The following NTSR1 variants were observed in gnomAD, a reference collection of about 807,000 sequenced individuals.
The protein encoded by NTSR1 is neurotensin receptor 1, also known as neurotensin receptor type 1.
In NTSR1, 29 loss-of-function variants were observed where a neutral mutation model predicts 31.2. That is an observed-to-expected ratio of 0.93 (90% CI 0.69 to 1.27). The LOEUF (loss-of-function observed/expected upper bound fraction) is 1.27, where lower values mean the gene tolerates loss of function less well. Among genes scored for constraint, NTSR1 ranks in the 50% most tolerant of loss-of-function variants. NTSR1 has a pLI of 0.00. For missense variants in NTSR1, 697 were observed against 595.4 expected (o/e 1.17, Z -1.78); for synonymous variants, 282 against 269.9 (o/e 1.04, Z -0.44).
At chr20:62,713,650 G>C (rs889740727) in intron 1 of NTSR1, among the ~76,000 whole-genome samples, 2 of 152,198 alleles carry the variant, frequency 1.3e-5, no homozygotes, top group Non-Finnish European at 2.9e-5. Context: ...AGAAAGAAAG[G>C]TGTGGCCAAA....
intron 1 of NTSR1, 48 bp downstream of exon 1, chr20:62,709,969 A>C: frequency 9.5e-5 from 128 of 1,350,422 alleles, no homozygotes; most frequent in Non-Finnish European, 1.2e-4. Context: ...TTCACCCCAA[A>C]AGCAGTGCCA....
chr20:62,711,553 C>A lies in NTSR1; in HGVS notation c.714+1632C>A, dbSNP rs1004817835. Among the ~76,000 whole-genome samples the A allele has an allele frequency of 2.1e-5, 3 of 142,842 alleles. No homozygotes were observed. Among genetic ancestry groups the A allele is most frequent in the Non-Finnish European group, 4.6e-5 (3 of 65,184 alleles). 93.7% of individuals were successfully genotyped at this position (142,842 alleles called of 152,430 possible). On this transcript the variant is annotated intron_variant, in intron 1 of 3. Coordinates refer to ENST00000370501, the MANE Select transcript of NTSR1 (RefSeq NM_002531.3). The surrounding 1 kb of genome is among the most constrained non-coding windows in gnomAD (Gnocchi z 6.4). Reference sequence around the variant, plus strand: ...ATGCCCCCACTCAGACCCCGGATCCCCCCACTCAGACCCCCGATCCCCCCG... The same window carrying A: ...ATGCCCCCACTCAGACCCCGGATCCACCCACTCAGACCCCCGATCCCCCCG...
Position 62,754,813 on chromosome 20 carries a change from C to G in NTSR1, c.843C>G (p.Gly281=), listed in dbSNP as rs776173818. 1.2e-6 allele frequency: 2 copies of G among 1,610,204 alleles called. No homozygotes were observed. The highest frequency in any genetic ancestry group is 1.3e-5 in the African/African-American group (1 of 74,998). The part of the protein sequence containing the change: ...AEQGQVCTVG[G]EHSTFSMAIE... Reference sequence around the variant, plus strand: ...AGGGCCAAGTGTGCACGGTCGGGGGCGAGCACAGCACATTCAGCATGGCCA... The same window carrying G: ...AGGGCCAAGTGTGCACGGTCGGGGGGGAGCACAGCACATTCAGCATGGCCA... Residue 281 remains glycine, a synonymous_variant, in exon 2 of 4, where the codon GGC becomes GGG. Transcript: ENST00000370501.
intron 3 of NTSR1, among the ~76,000 whole-genome samples, chr20:62,759,421 A>G (rs1335630994): frequency 6.6e-6 from 1 of 152,170 alleles, no homozygotes; most frequent in Non-Finnish European, 1.5e-5. Context: ...GCGAAGGGCA[A>G]TGCAGGCAGC....
In NTSR1 at chr20:62,762,430, G is replaced by A. The variant is rs1433162454; in HGVS notation, c.*2163G>A. ...TCGGTAGACGTGGGGTCTCTGGGGC[G>A]GGGTCTGTGGCTGTGACTGAAGTCG... On this transcript the variant is annotated 3_prime_UTR_variant, in exon 4 of 4. Transcript: ENST00000370501. 5.6e-5 allele frequency: 8 copies of A among 143,862 alleles called. 1 individual carries two copies. The highest frequency in any genetic ancestry group is 4.9e-4 in the South Asian group (2 of 4,070). The allele number at this position is 143,862 out of a possible 1,614,324, so 8.9% of individuals were successfully genotyped here.
At chr20:62,755,296 C>T (rs1989470958) in intron 2 of NTSR1, among the ~76,000 whole-genome samples, 1 of 129,522 alleles carries the variant, frequency 7.7e-6, no homozygotes, top group South Asian at 2.8e-4. Flanking sequence ...TCCCTCCATT[C>T]ATTCCTCTAC....
intron 1 of NTSR1, among the ~76,000 whole-genome samples, chr20:62,718,003 G>A (rs1189916408): frequency 3.3e-5 from 5 of 152,132 alleles, no homozygotes; most frequent in Non-Finnish European, 7.3e-5. Flanking sequence ...TCCGGTGGGC[G>A]TCGGGGAAGA....
In NTSR1 at chr20:62,714,202, C is replaced by T. The variant is rs111692106; in HGVS notation, c.714+4281C>T. ...GGGACCCACGCCACGCAGCTGTGGG[C>T]AGCTCTGGCTCTGGCCGTAGCGGCC... On this transcript the variant is annotated intron_variant, in intron 1 of 3. Coordinates refer to ENST00000370501, the MANE Select transcript of NTSR1 (RefSeq NM_002531.3). The surrounding 1 kb of genome is among the most constrained non-coding windows in gnomAD (Gnocchi z 4.1). 0.012 allele frequency among the ~76,000 whole-genome samples: 1,829 copies of T among 152,354 alleles called. 37 individuals carry two copies. The highest frequency in any genetic ancestry group is 0.042 in the African/African-American group (1,750 of 41,584).
In NTSR1 at chr20:62,745,763, G is replaced by A. The variant is rs1320094889; in HGVS notation, c.715-8922G>A. On this transcript the variant is annotated intron_variant, in intron 1 of 3. Transcript: ENST00000370501. The surrounding 1 kb of genome is among the most constrained non-coding windows in gnomAD (Gnocchi z 4.1). ...TCTACAGCTGCTGAACAGCCTCGCCGTCCCCAGGGCTTCCCTGCTGTTGGC... is the reference window on the plus strand; with the variant it reads ...TCTACAGCTGCTGAACAGCCTCGCCATCCCCAGGGCTTCCCTGCTGTTGGC... 1.3e-5 allele frequency among the ~76,000 whole-genome samples: 2 copies of A among 152,218 alleles called. No homozygotes were observed. Among genetic ancestry groups the A allele is most frequent in the East Asian group, 1.9e-4 (1 of 5,202 alleles).
At chr20:62,748,499 T>C (rs938517895) in intron 1 of NTSR1, among the ~76,000 whole-genome samples, 17 of 152,088 alleles carry the variant, frequency 1.1e-4, no homozygotes, top group African/African-American at 4.1e-4. Flanking sequence ...GGAACAAAAC[T>C]GGAGGCATCA....
rs1969665 is a variant in NTSR1 at position 62,758,251 on chromosome 20, G to A, written c.917-15G>A. The A allele has an allele frequency of 3.7e-4, 589 of 1,604,496 alleles. 2 individuals carry two copies. The African/African-American group carries it at 7.2e-3, about 20-fold the overall frequency. The stretch of plus-strand genomic sequence containing the variant: ...AGGTGCAGTGGGTCTCTGAGCCCAC[G>A]TCTCTGTGCCTCAGGTGCAGTGGTC... On this transcript the variant is annotated splice_polypyrimidine_tract_variant and intron_variant, in intron 2 of 3. Transcript: ENST00000370501. The surrounding 1 kb of genome is among the most constrained non-coding windows in gnomAD (Gnocchi z 4.5).
intron 1 of NTSR1, among the ~76,000 whole-genome samples, chr20:62,753,354 G>A (rs1233366060): frequency 1.3e-5 from 2 of 152,194 alleles, no homozygotes; most frequent in Non-Finnish European, 2.9e-5. Context: ...TGTCCTCACC[G>A]GGACCATCCT....
intron 1 of NTSR1, among the ~76,000 whole-genome samples, chr20:62,737,220 T>C (rs1989112097): frequency 6.6e-6 from 1 of 152,180 alleles, no homozygotes. Flanking sequence ...TTGTAAAGTT[T>C]CATCAGCACT....
At chr20:62,759,933 T>C in intron 3 of NTSR1, 85 bp from the exon 4 acceptor site, 1 of 1,396,398 alleles carries the variant, frequency 7.2e-7, no homozygotes, top group South Asian at 1.2e-5. Context: ...ACCACGTCCC[T>C]CAGCCGCTGT....
rs1172639485 is a variant in NTSR1, at chr20:62,732,590, T to A, written c.715-22095T>A. On this transcript the variant is annotated intron_variant, in intron 1 of 3. Coordinates refer to ENST00000370501, the MANE Select transcript of NTSR1 (RefSeq NM_002531.3). The surrounding 1 kb of genome is among the most constrained non-coding windows in gnomAD (Gnocchi z 4.0). The stretch of plus-strand genomic sequence containing the variant: ...TGGGAAATCCTGTGGTGTATAATTC[T>A]TAGTATGTGATGCTGGATTTGCTGC... 1.3e-5 allele frequency: 2 copies of A among 152,324 alleles called. No individual in the cohort carries two copies. Among genetic ancestry groups the A allele is most frequent in the Non-Finnish European group, 2.9e-5 (2 of 68,036 alleles). 9.4% of individuals were successfully genotyped at this position (152,324 alleles called of 1,614,324 possible). A position where few individuals can be genotyped will look rare whatever the true frequency, so the allele number is the denominator to read the frequency against.
Position 62,709,295 on chromosome 20 carries a change from C to T in NTSR1, c.88C>T (p.Leu30=). ...GGCGCAGGCCGGACTGGAGGAGGCG[C>T]TGCTGGCCCCGGGCTTCGGCAACGC... The part of the protein sequence containing the change: ...QRAQAGLEEA[L]LAPGFGNASG... The change falls in exon 1 of 4, where the codon CTG becomes TTG. Residue 30 remains leucine (L), a synonymous_variant. Coordinates refer to ENST00000370501, the MANE Select transcript of NTSR1 (RefSeq NM_002531.3). 6.3e-7 allele frequency: 1 copy of T among 1,595,168 alleles called. No homozygotes were observed. Among genetic ancestry groups the T allele is most frequent in the Non-Finnish European group, 8.5e-7 (1 of 1,174,176 alleles).
chr20:62,754,803 C>G lies in NTSR1; in HGVS notation c.833C>G (p.Thr278Arg). ...RQAAEQGQVC[T>R]VGGEHSTFSM... ...GCGGCCGAGCAGGGCCAAGTGTGCACGGTCGGGGGCGAGCACAGCACATTC... is the reference window on the plus strand; with the variant it reads ...GCGGCCGAGCAGGGCCAAGTGTGCAGGGTCGGGGGCGAGCACAGCACATTC... Residue 278 changes from threonine (T) to arginine (R), a missense_variant, in exon 2 of 4, where the codon ACG becomes AGG. By Grantham distance (71) the Thr-to-Arg change is moderately conservative (BLOSUM62 -1). Transcript: ENST00000370501. 1 of 1,610,556 alleles carries G rather than the reference C, an allele frequency of 6.2e-7. No homozygotes were observed. The highest frequency in any genetic ancestry group is 2.2e-5 in the East Asian group (1 of 44,854).
intron 1 of NTSR1, among the ~76,000 whole-genome samples, chr20:62,747,044 T>C (rs1194716810): frequency 1.3e-5 from 2 of 152,208 alleles, no homozygotes; most frequent in African/African-American, 4.8e-5. Context: ...TCATCCACCA[T>C]GAGCAGGTGG....
rs1051213518 is a variant in NTSR1 at position 62,754,749 on chromosome 20, C to T, written c.779C>T (p.Ala260Val). 1.2e-6 allele frequency: 2 copies of T among 1,612,788 alleles called. No individual in the cohort carries two copies. Among genetic ancestry groups the T allele is most frequent in the African/African-American group, 2.7e-5 (2 of 74,868 alleles). ...ATCTCGGTCCTGAACACCATCATCG[C>T]CAACAAGCTGACCGTCATGGTACGC... ...VVISVLNTII[A>V]NKLTVMVRQA... The change falls in exon 2 of 4, where the codon GCC (alanine) becomes GTC (valine). Residue 260 changes from alanine to valine, a missense_variant. Transcript: ENST00000370501.
Sources: allele counts gnomAD v4.1 joint callset (sites outside exome capture counted in the v4.1 genomes callset), GRCh38; gene constraint gnomAD v4.1.1; non-coding constraint Gnocchi (gnomAD v3.1); transcripts MANE v1.5; gene names NCBI Gene and HGNC (gene_info 2026-07-23, HGNC 2026-07-21).